The following MTMR12 variants were observed in gnomAD, a reference collection of about 807,000 sequenced individuals.
MTMR12 encodes the protein myotubularin related protein 12.
MTMR12 carries 33 observed loss-of-function variants against 96.7 expected under a neutral mutation model. The ratio of observed to expected loss-of-function variants is 0.34; its 90% CI spans 0.26 to 0.46. The LOEUF is 0.46. Among genes scored for constraint, MTMR12 ranks in the 20% least tolerant of loss-of-function variants. The pLI is 1.00. For synonymous variants in MTMR12, 298 were observed against 327.2 expected, an observed-to-expected ratio of 0.91 and a Z score of 0.96; for missense variants, 721 against 896.1, an observed-to-expected ratio of 0.80 and a Z score of 2.49.
rs186060892 is a variant in MTMR12, at chr5:32,232,308, G to A, written c.1674+1465C>T. 3.3e-3 allele frequency among the ~76,000 whole-genome samples: 496 copies of A among 152,318 alleles called. 1 individual carries two copies. The highest frequency in any genetic ancestry group is 0.01 in the Middle Eastern group (3 of 294). The stretch of plus-strand genomic sequence containing the variant: ...CTGATATCTGGTCTTCTTACCCAAA[G>A]GCTTCAAGGTTTCTTGTCGCCCCCG... On this transcript the variant is annotated intron_variant, in intron 15 of 15. Transcript: ENST00000382142.
At chr5:32,276,863 T>G in intron 1 of MTMR12, 121 bp from the exon 2 acceptor site, 2 of 612,596 alleles carry the variant, frequency 3.3e-6, no homozygotes, top group Non-Finnish European at 2.7e-6. Flanking sequence ...TTCGTTTATG[T>G]TACAAGCTAC....
In MTMR12 at chr5:32,312,859, C is replaced by T. The variant is rs1438950498; in HGVS notation, c.-21G>A. 2 of 1,514,998 alleles carry T rather than the reference C, an allele frequency of 1.3e-6. No homozygotes were observed. The highest frequency in any genetic ancestry group is 2.1e-5 in the Admixed American group (1 of 47,348). 93.8% of individuals were successfully genotyped at this position (1,514,998 alleles called of 1,614,324 possible). ...AGCATACCGCCGCCCTGGGAAGCAG[C>T]GACGCGCGGACGCAGAGGCGGCGGC... On this transcript the variant is annotated 5_prime_UTR_variant, in exon 1 of 16. Transcript: ENST00000382142. The surrounding 1 kb of genome is among the most constrained non-coding windows in gnomAD (Gnocchi z 5.0).
chr5:32,241,231 A>G (rs1159638989), intron 12 of MTMR12, among the ~76,000 whole-genome samples: 2 of 152,162 alleles, frequency 1.3e-5, no homozygotes, highest in Non-Finnish European at 2.9e-5. Context: ...CACTTAAGGC[A>G]ACTCTCTCAT....
chr5:32,292,046 G>A (rs112353827), intron 1 of MTMR12, among the ~76,000 whole-genome samples: 22 of 152,254 alleles, frequency 1.4e-4, no homozygotes, highest in East Asian at 5.8e-4. Context: ...CTCTCTTTGC[G>A]GCTAAAGAAG....
chr5:32,247,826 G>A, intron 10 of MTMR12, 176 bp downstream of exon 10: 1 of 981,118 alleles, frequency 1.0e-6, no homozygotes, highest in Non-Finnish European at 1.2e-6. Context: ...AGCCTGGAGA[G>A]AGATGGAGAG....
At chr5:32,260,334 T>C (rs919930718) in intron 7 of MTMR12, among the ~76,000 whole-genome samples, 1 of 151,434 alleles carries the variant, frequency 6.6e-6, no homozygotes, top group African/African-American at 2.4e-5. Context: ...GCATGCGACA[T>C]GGAGAATGGA....
chr5:32,255,892 T>C, intron 7 of MTMR12, 124 bp from the exon 8 acceptor site: 2 of 802,798 alleles, frequency 2.5e-6, no homozygotes, highest in Non-Finnish European at 3.9e-6. Context: ...TATTTCCCTG[T>C]TCAGAACCAG....
At chr5:32,247,514 G>A (rs899158740) in intron 10 of MTMR12, among the ~76,000 whole-genome samples, 2 of 152,126 alleles carry the variant, frequency 1.3e-5, no homozygotes, top group Admixed American at 1.3e-4. Context: ...GCTGGGACAG[G>A]CATATTTCAT....
At position 32,270,070 on chromosome 5, in the gene MTMR12, T is replaced by C. The variant is rs1163325270; in HGVS notation, c.489+747A>G. On this transcript the variant is annotated intron_variant, in intron 5 of 15. Coordinates refer to ENST00000382142, the MANE Select transcript of MTMR12 (RefSeq NM_001040446.3). Reference sequence around the variant, plus strand: ...CTCACTGCAGCCAAGACAGTATACATGAACAGGCCTCCTGATAGGTTTCCC... The same window carrying C: ...CTCACTGCAGCCAAGACAGTATACACGAACAGGCCTCCTGATAGGTTTCCC... Among the ~76,000 whole-genome samples, 4 of 152,166 alleles carry C rather than the reference T, an allele frequency of 2.6e-5. No homozygotes were observed. In the East Asian group the frequency reaches 5.8e-4, roughly 22 times the overall value.
At chr5:32,242,174 G>A in intron 11 of MTMR12, 47 bp from the exon 12 acceptor site, 1 of 1,415,604 alleles carries the variant, frequency 7.1e-7, no homozygotes, top group Non-Finnish European at 9.9e-7. Context: ...TCATGAGCTT[G>A]GTAACACAAA....
chr5:32,241,980 C>T, intron 12 of MTMR12, 77 bp downstream of exon 12: 2 of 1,216,146 alleles, frequency 1.6e-6, no homozygotes, highest in East Asian at 2.4e-5. Context: ...TTTCCAAATA[C>T]ATAAAGCTAC....
Position 32,229,540 on chromosome 5 carries a change from T to G in MTMR12, c.*238A>C. 1 of 372,080 alleles carries G rather than the reference T, an allele frequency of 2.7e-6. No homozygotes were observed. The highest frequency in any genetic ancestry group is 2.1e-5 in the African/African-American group (1 of 48,114). The allele number at this position is 372,080 out of a possible 1,614,324, so 23.0% of individuals were successfully genotyped here. On this transcript the variant is annotated 3_prime_UTR_variant, in exon 16 of 16. Transcript: ENST00000382142. ...GCATCAGAAAACGGCCACAACCCTA[T>G]TACGGGTCAAGTAATAATTCCTTCC...
Position 32,312,357 on chromosome 5 carries a change from A to C in MTMR12, c.81+401T>G, listed in dbSNP as rs1430468262. 6.6e-6 allele frequency among the ~76,000 whole-genome samples: 1 copy of C among 152,170 alleles called. No homozygotes were observed. Among genetic ancestry groups the C allele is most frequent in the African/African-American group, 2.4e-5 (1 of 41,444 alleles). ...CGGCGGGCTTCTGGGCTCACTGAGA[A>C]AGTCCAGAGGCAGGACGGACCCACG... On this transcript the variant is annotated intron_variant, in intron 1 of 15. Coordinates refer to ENST00000382142, the MANE Select transcript of MTMR12 (RefSeq NM_001040446.3). The surrounding 1 kb of genome is among the most constrained non-coding windows in gnomAD (Gnocchi z 5.0).
intron 3 of MTMR12, among the ~76,000 whole-genome samples, chr5:32,273,279 T>C (rs1749911012): frequency 6.6e-6 from 1 of 152,162 alleles, no homozygotes; most frequent in South Asian, 2.1e-4. Flanking sequence ...CACACGCCTA[T>C]GGTCCTAGCT....
At chr5:32,242,708 A>G (rs1748532366) in intron 11 of MTMR12, among the ~76,000 whole-genome samples, 1 of 151,644 alleles carries the variant, frequency 6.6e-6, no homozygotes, top group Non-Finnish European at 1.5e-5. Context: ...CCGACTCTTC[A>G]TCTGGCTAGA....
In MTMR12 at chr5:32,257,884, C is replaced by T. The variant is rs34166254; in HGVS notation, c.714-2116G>A. ...GAGTTCAAGACCAGCCTGGGCAACA[C>T]GGCAAAATCCCCCTCGCTACTAAAA... is the stretch of plus-strand genomic sequence containing the variant. On this transcript the variant is annotated intron_variant, in intron 7 of 15. Transcript: ENST00000382142. Among the ~76,000 whole-genome samples the T allele has an allele frequency of 2.9e-3, 446 of 152,132 alleles. 1 individual carries two copies. The highest frequency in any genetic ancestry group is 0.01 in the Middle Eastern group (3 of 294).
chr5:32,249,686 GT>G (rs1299092291), intron 8 of MTMR12, among the ~76,000 whole-genome samples: 1 of 152,226 alleles, frequency 6.6e-6, no homozygotes, highest in East Asian at 1.9e-4. Flanking sequence ...AGGTGAGGCT[GT>G]TTAGGCTTTC....
In MTMR12 at chr5:32,229,458, T is replaced by C. The variant is rs1747901065; in HGVS notation, c.*320A>G. 1 of 218,034 alleles carries C rather than the reference T, an allele frequency of 4.6e-6. No homozygotes were observed. Among genetic ancestry groups the C allele is most frequent in the Non-Finnish European group, 9.0e-6 (1 of 111,434 alleles). 13.5% of individuals were successfully genotyped at this position (218,034 alleles called of 1,614,324 possible). A position where few individuals can be genotyped will look rare whatever the true frequency, so the allele number is the denominator to read the frequency against. ...AGAAAGTATCAAGTCCAAGAATATCTTACTGAAGCCCTTTCTGGTAGTAAA... is the reference window on the plus strand; with the variant it reads ...AGAAAGTATCAAGTCCAAGAATATCCTACTGAAGCCCTTTCTGGTAGTAAA... On this transcript the variant is annotated 3_prime_UTR_variant, in exon 16 of 16. Transcript: ENST00000382142.
intron 4 of MTMR12, 97 bp downstream of exon 4, chr5:32,271,736 A>C: frequency 1.3e-6 from 1 of 742,176 alleles, no homozygotes; most frequent in Non-Finnish European, 2.0e-6. Context: ...TATGTGAAAA[A>C]ATTTTTAAAA....
Sources: gnomAD v4.1 joint callset for allele counts (sites outside exome capture counted in the v4.1 genomes callset) on GRCh38, gnomAD v4.1.1 for gene constraint, Gnocchi (gnomAD v3.1) non-coding constraint, MANE v1.5 for transcripts, NCBI Gene and HGNC (gene_info 2026-07-23, HGNC 2026-07-21) for gene names.